Variants in UBE2E1 observed in about 807,000 individuals in gnomAD.
UBE2E1 encodes the protein ubiquitin-conjugating enzyme E2 E1.
Under a neutral mutation model 21.4 loss-of-function variants are expected in UBE2E1, and 6 were observed. The ratio of observed to expected loss-of-function variants is 0.28; its 90% CI spans 0.15 to 0.55. The LOEUF (loss-of-function observed/expected upper bound fraction) is 0.55. Among genes scored for constraint, UBE2E1 ranks in the 20% least tolerant of loss-of-function variants. The pLI is 0.93. For synonymous variants in UBE2E1, 87 were observed against 82.7 expected (o/e 1.05, Z -0.28); for missense variants, 142 against 236.5 (o/e 0.60, Z 2.62).
chr3:23,853,906 G>T lies in UBE2E1; in HGVS notation c.204-33661G>T, dbSNP rs147618694. Among the ~76,000 whole-genome samples the T allele has an allele frequency of 3.9e-3, 596 of 152,268 alleles. 4 individuals carry two copies. Among genetic ancestry groups the T allele is most frequent in the African/African-American group, 0.013 (534 of 41,542 alleles). On this transcript the variant is annotated intron_variant, in intron 3 of 5. Coordinates refer to ENST00000306627, the MANE Select transcript of UBE2E1 (RefSeq NM_003341.5). This position sits in a 1 kb window ranked among gnomAD's most constrained non-coding sequence, Gnocchi z 4.1. ...AATTCGTTTTATCCACATGGTTCAA[G>T]TGGGTCTTTTTTTACCCTCCAGTGG...
At chr3:23,871,974 G>A (rs1457641354) in intron 3 of UBE2E1, among the ~76,000 whole-genome samples, 3 of 150,650 alleles carry the variant, frequency 2.0e-5, no homozygotes, top group African/African-American at 7.5e-5. Flanking sequence ...ACAGGGTGGC[G>A]GCTGGGCAGA....
At chr3:23,890,468 C>T in intron 5 of UBE2E1, 41 bp from the exon 6 acceptor site, 2 of 1,589,198 alleles carry the variant, frequency 1.3e-6, no homozygotes, top group Non-Finnish European at 1.7e-6. Context: ...TTAAAATGTT[C>T]TTTTCCTTTC....
intron 3 of UBE2E1, among the ~76,000 whole-genome samples, chr3:23,843,502 A>G (rs1224634315): frequency 2.6e-5 from 4 of 152,208 alleles, no homozygotes; most frequent in Non-Finnish European, 4.4e-5. Context: ...GCATTTGAAC[A>G]CACAATTAAG....
intron 3 of UBE2E1, among the ~76,000 whole-genome samples, chr3:23,830,012 A>G (rs1423080740): frequency 6.6e-6 from 1 of 152,162 alleles, no homozygotes; most frequent in East Asian, 1.9e-4. Context: ...CTAGCTAGCT[A>G]CACCTGGAAT....
At chr3:23,835,673 T>C (rs1339561298) in intron 3 of UBE2E1, among the ~76,000 whole-genome samples, 1 of 152,200 alleles carries the variant, frequency 6.6e-6, no homozygotes, top group African/African-American at 2.4e-5. Context: ...TTATGACATA[T>C]AATCATCAAT....
Position 23,887,768 on chromosome 3 carries a change from A to T in UBE2E1, c.336+69A>T. 1 of 1,532,294 alleles carries T rather than the reference A, an allele frequency of 6.5e-7. No homozygotes were observed. The highest frequency in any genetic ancestry group is 8.7e-7 in the Non-Finnish European group (1 of 1,144,626). 94.9% of individuals were successfully genotyped at this position (1,532,294 alleles called of 1,614,324 possible). The stretch of plus-strand genomic sequence containing the variant: ...GAGAGCAACTGTTGAGGTTTTTCTA[A>T]ATTTAATTTTTAATCACAGAAACTA... On this transcript the variant is annotated intron_variant, in intron 4 of 5. Transcript: ENST00000306627. The surrounding 1 kb of genome is among the most constrained non-coding windows in gnomAD (Gnocchi z 4.4).
chr3:23,871,444 C>T (rs542599708), intron 3 of UBE2E1, among the ~76,000 whole-genome samples: 1 of 151,784 alleles, frequency 6.6e-6, no homozygotes, highest in Middle Eastern at 3.4e-3. Flanking sequence ...GAGCTCCTCA[C>T]TTCTCAGTAG....
chr3:23,828,853 C>CG (rs1699808078), intron 3 of UBE2E1, among the ~76,000 whole-genome samples: 1 of 152,210 alleles, frequency 6.6e-6, no homozygotes, highest in Non-Finnish European at 1.5e-5. Context: ...TTGTCTCACA[C>CG]TCTAGTCTGG....
intron 3 of UBE2E1, among the ~76,000 whole-genome samples, chr3:23,818,665 A>G (rs112142595): frequency 0.011 from 1,697 of 152,316 alleles, 19 homozygotes; most frequent in African/African-American, 0.038. Flanking sequence ...CTTTGCACAC[A>G]TTGAATCTGA....
At chr3:23,859,306 A>T (rs193042114) in intron 3 of UBE2E1, among the ~76,000 whole-genome samples, 3 of 152,246 alleles carry the variant, frequency 2.0e-5, no homozygotes, top group Admixed American at 6.5e-5. Flanking sequence ...CTCTCTTGTT[A>T]AATTCTTGCT....
At position 23,847,926 on chromosome 3, in the gene UBE2E1, G is replaced by T. The variant is rs142784034; in HGVS notation, c.203+36416G>T. Among the ~76,000 whole-genome samples the T allele has an allele frequency of 3.9e-3, 601 of 152,226 alleles. 6 individuals are homozygous for T. Among genetic ancestry groups the T allele is most frequent in the African/African-American group, 0.013 (538 of 41,536 alleles). On this transcript the variant is annotated intron_variant, in intron 3 of 5. Transcript: ENST00000306627. ...CTGTTATCAGTTTCTTGTGCATCCT[G>T]TGTGAATTACTTTAGATATACTTAA... is the stretch of plus-strand genomic sequence containing the variant.
chr3:23,832,678 T>G (rs1575816271), intron 3 of UBE2E1, among the ~76,000 whole-genome samples: 1 of 152,086 alleles, frequency 6.6e-6, no homozygotes, highest in South Asian at 2.1e-4. Flanking sequence ...AAGGTTACAG[T>G]GAGCCAAGAT....
chr3:23,877,276 C>CA (rs1394108031), intron 3 of UBE2E1, among the ~76,000 whole-genome samples: 10 of 152,118 alleles, frequency 6.6e-5, no homozygotes, highest in Admixed American at 3.9e-4. Flanking sequence ...CAACAGCAAC[C>CA]ATATATATTG....
rs1700921042 is a variant in UBE2E1 at position 23,876,641 on chromosome 3, G to A, written c.204-10926G>A. The stretch of plus-strand genomic sequence containing the variant: ...TTGGGTTTTTTGTTTTTTGTTTCTT[G>A]TTTTTGTTTTTTGTCTTAATAGAGC... On this transcript the variant is annotated intron_variant, in intron 3 of 5. Transcript: ENST00000306627. The surrounding 1 kb of genome is among the most constrained non-coding windows in gnomAD (Gnocchi z 4.3). Among the ~76,000 whole-genome samples the A allele has an allele frequency of 6.6e-6, 1 of 151,724 alleles. No homozygotes were observed. The highest frequency in any genetic ancestry group is 2.1e-4 in the South Asian group (1 of 4,800).
chr3:23,885,009 A>G (rs1017438564), intron 3 of UBE2E1, among the ~76,000 whole-genome samples: 7 of 152,338 alleles, frequency 4.6e-5, no homozygotes, highest in Middle Eastern at 3.4e-3. Context: ...TCAGTTTGCT[A>G]TAACAAAGTA....
intron 3 of UBE2E1, among the ~76,000 whole-genome samples, chr3:23,869,386 A>T (rs1453017053): frequency 9.7e-5 from 10 of 102,786 alleles, no homozygotes; most frequent in African/African-American, 4.0e-4. Flanking sequence ...AAGGATTTTC[A>T]ATTTTTATGT....
chr3:23,855,102 A>G (rs530350193), intron 3 of UBE2E1, among the ~76,000 whole-genome samples: 1 of 152,332 alleles, frequency 6.6e-6, no homozygotes, highest in African/African-American at 2.4e-5. Context: ...TAATCCAAAA[A>G]TAGAGAGTTC....
At chr3:23,883,303 G>A (rs1030557810) in intron 3 of UBE2E1, among the ~76,000 whole-genome samples, 1 of 152,150 alleles carries the variant, frequency 6.6e-6, no homozygotes, top group Admixed American at 6.6e-5. Context: ...GGTGACCTGA[G>A]GGCAAACCTG....
At chr3:23,856,149 C>G (rs1700430794) in intron 3 of UBE2E1, among the ~76,000 whole-genome samples, 1 of 152,138 alleles carries the variant, frequency 6.6e-6, no homozygotes, top group Admixed American at 6.5e-5. Flanking sequence ...GCCTCAGCCT[C>G]CCGAGTAACT....
Sources: gnomAD v4.1 joint callset for allele counts (sites outside exome capture counted in the v4.1 genomes callset) on GRCh38, gnomAD v4.1.1 for gene constraint, Gnocchi (gnomAD v3.1) non-coding constraint, MANE v1.5 for transcripts, NCBI Gene and HGNC (gene_info 2026-07-23, HGNC 2026-07-21) for gene names.